Variants in CERT1 observed in about 807,000 individuals in gnomAD.
CERT1 encodes the protein ceramide transfer protein.
A neutral mutation model predicts 87.9 loss-of-function variants in CERT1; 31 were observed. That is an observed-to-expected ratio of 0.35 (90% CI 0.27 to 0.48). The LOEUF (loss-of-function observed/expected upper bound fraction) is 0.48, where lower values mean the gene tolerates loss of function less well. CERT1 is among the 20% of genes least tolerant of loss of function. The probability of loss-of-function intolerance (pLI) is 0.99; values close to 1 mark genes in which losing one functional copy is unlikely to be tolerated. For missense variants in CERT1, 487 were observed against 758.0 expected (o/e 0.64, Z 4.20); for synonymous variants, 289 against 250.9 (o/e 1.15, Z -1.44).
chr5:75,507,926 T>C (rs1012363399), intron 1 of CERT1, among the ~76,000 whole-genome samples: 8 of 152,218 alleles, frequency 5.3e-5, no homozygotes, highest in African/African-American at 1.7e-4. Flanking sequence ...TGCCTCCTCT[T>C]CTCATTTTCA....
At chr5:75,424,127 G>C (rs1176545245) in intron 5 of CERT1, among the ~76,000 whole-genome samples, 1 of 152,118 alleles carries the variant, frequency 6.6e-6, no homozygotes. Context: ...ACAAAGGAAA[G>C]TTAAACTATA....
In CERT1 at chr5:75,402,579, A is replaced by G. The variant is rs375537067; in HGVS notation, c.1017+393T>C. 2.9e-4 allele frequency: 46 copies of G among 156,712 alleles called. No individual in the cohort carries two copies. In the East Asian group the frequency reaches 7.4e-3, roughly 25 times the overall value. The allele number at this position is 156,712 out of a possible 1,614,324, so 9.7% of individuals were successfully genotyped here. A position where few individuals can be genotyped will look rare whatever the true frequency, so the allele number is the denominator to read the frequency against. The stretch of plus-strand genomic sequence containing the variant: ...TTTGGGAGGCTGAGGCGGGTGGATC[A>G]TGAGCTCTGGAGTTCGAGACCAGCC... On this transcript the variant is annotated intron_variant, in intron 9 of 16. Transcript: ENST00000643780.
At chr5:75,384,341 C>A (rs1761702517) in intron 14 of CERT1, among the ~76,000 whole-genome samples, 3 of 152,070 alleles carry the variant, frequency 2.0e-5, no homozygotes, top group Admixed American at 6.6e-5. Flanking sequence ...TGAGACTAGC[C>A]TGGGAAATAC....
chr5:75,454,750 GT>G (rs1764905460), intron 3 of CERT1, among the ~76,000 whole-genome samples: 1 of 152,166 alleles, frequency 6.6e-6, no homozygotes, highest in African/African-American at 2.4e-5. Context: ...TTCTACAGTT[GT>G]TTGGGATTTG....
At chr5:75,496,351 G>T (rs1767067715) in intron 2 of CERT1, among the ~76,000 whole-genome samples, 1 of 150,882 alleles carries the variant, frequency 6.6e-6, no homozygotes, top group Non-Finnish European at 1.5e-5. Context: ...CAAGCAAATG[G>T]AATTTTCACA....
chr5:75,496,951 T>C (rs1276018533), intron 2 of CERT1, among the ~76,000 whole-genome samples: 1 of 152,110 alleles, frequency 6.6e-6, no homozygotes, highest in African/African-American at 2.4e-5. Flanking sequence ...TATCTCAATG[T>C]GATTTTTTAA....
downstream of CERT1, chr5:75,375,629 AT>A (rs1283099956): frequency 7.2e-6 from 1 of 138,780 alleles, no homozygotes; most frequent in African/African-American, 3.0e-5. Flanking sequence ...AAATAAATAA[AT>A]AAAATAAATA....
chr5:75,432,061 T>C (rs1763892505), intron 3 of CERT1, among the ~76,000 whole-genome samples: 1 of 150,934 alleles, frequency 6.6e-6, no homozygotes. Flanking sequence ...CCCCCCCTTT[T>C]TTTTTTTTGA....
chr5:75,385,849 T>G, intron 13 of CERT1, 53 bp downstream of exon 13: 1 of 1,278,480 alleles, frequency 7.8e-7, no homozygotes, highest in South Asian at 2.7e-5. Context: ...TAGGTTGGAT[T>G]TGATATTAAA....
intron 2 of CERT1, among the ~76,000 whole-genome samples, chr5:75,470,755 G>T (rs1037679916): frequency 6.6e-6 from 1 of 152,112 alleles, no homozygotes; most frequent in African/African-American, 2.4e-5. Context: ...AGAAGTCCTA[G>T]CCAGAACAAT....
At chr5:75,440,619 G>A (rs1764283313) in intron 3 of CERT1, among the ~76,000 whole-genome samples, 1 of 152,104 alleles carries the variant, frequency 6.6e-6, no homozygotes, top group African/African-American at 2.4e-5. Flanking sequence ...AAATGCTAAA[G>A]TGACATGAAG....
At position 75,461,250 on chromosome 5, in the gene CERT1, C is replaced by T. The variant is rs1220961219; in HGVS notation, c.232-2069G>A. ...AAGCATTACCACCTGAGCTCTGCCT[C>T]CTGTCAGATCAGCAGCGGCATTAGA... On this transcript the variant is annotated intron_variant, in intron 2 of 16. Coordinates refer to ENST00000643780, the MANE Select transcript of CERT1 (RefSeq NM_001379029.1). Among the ~76,000 whole-genome samples the T allele has an allele frequency of 2.0e-5, 3 of 152,166 alleles. No individual in the cohort carries two copies. The East Asian group carries it at 5.8e-4, about 29-fold the overall frequency.
At chr5:75,448,076 T>C (rs917353257) in intron 3 of CERT1, among the ~76,000 whole-genome samples, 2 of 152,192 alleles carry the variant, frequency 1.3e-5, no homozygotes, top group Non-Finnish European at 2.9e-5. Context: ...ACTGTATGAG[T>C]ATTTTAGGTT....
intron 15 of CERT1, among the ~76,000 whole-genome samples, chr5:75,381,673 G>C (rs1169446904): frequency 2.0e-5 from 3 of 152,102 alleles, no homozygotes; most frequent in African/African-American, 4.8e-5. Flanking sequence ...ATAACTGTGG[G>C]AAGTAGCCTA....
intron 14 of CERT1, among the ~76,000 whole-genome samples, chr5:75,383,954 G>A (rs1761684532): frequency 1.3e-5 from 2 of 152,088 alleles, no homozygotes; most frequent in Non-Finnish European, 2.9e-5. Context: ...TAAGGTGAAA[G>A]GGAGCTAACT....
chr5:75,485,329 A>AAAAAAAAAAAAAACAAAAAAAAC (rs1766470321), intron 2 of CERT1, among the ~76,000 whole-genome samples: 1 of 149,038 alleles, frequency 6.7e-6, no homozygotes, highest in African/African-American at 2.4e-5. Context: ...AAAAAAAAAA[A>AAAAAAAAAAAAAACAAAAAAAAC]AAAAAAAAGA....
At position 75,505,847 on chromosome 5, in the gene CERT1, G is replaced by GT. The variant is rs1767625809; in HGVS notation, c.231+134dup. The GT allele has an allele frequency of 1.9e-5, 11 of 574,222 alleles. No individual in the cohort carries two copies. In the South Asian group the frequency reaches 4.0e-4, roughly 21 times the overall value. 35.6% of individuals were successfully genotyped at this position (574,222 alleles called of 1,614,324 possible). A position where few individuals can be genotyped will look rare whatever the true frequency, so the allele number is the denominator to read the frequency against. On this transcript the variant is annotated intron_variant, in intron 2 of 16. Coordinates refer to ENST00000643780, the MANE Select transcript of CERT1 (RefSeq NM_001379029.1). Reference sequence around the variant, plus strand: ...CAGTAAAATCACTTTATGGAAAAAAGTATTAGAATGTATATTCTACAAGGA... The same window carrying GT: ...CAGTAAAATCACTTTATGGAAAAAAGTTATTAGAATGTATATTCTACAAGGA...
intron 2 of CERT1, among the ~76,000 whole-genome samples, chr5:75,504,907 A>G (rs952399606): frequency 4.6e-5 from 7 of 152,210 alleles, no homozygotes; most frequent in African/African-American, 1.7e-4. Flanking sequence ...TTTACTTGTT[A>G]TAGTTCTTAC....
intron 10 of CERT1, 123 bp from the exon 11 acceptor site, chr5:75,399,510 C>T (rs1762383003): frequency 8.5e-6 from 6 of 709,986 alleles, no homozygotes; most frequent in Non-Finnish European, 1.5e-5. Context: ...GAAACAAGCA[C>T]AGCAGCAACT....
Sources: gnomAD v4.1 joint callset for allele counts (sites outside exome capture counted in the v4.1 genomes callset) on GRCh38, gnomAD v4.1.1 for gene constraint, MANE v1.5 for transcripts, NCBI Gene and HGNC (gene_info 2026-07-23, HGNC 2026-07-21) for gene names.